The following NOC3L variants were observed in gnomAD, a reference collection of about 807,000 sequenced individuals.
NOC3L encodes nucleolar complex protein 3 homolog.
NOC3L carries 85 observed loss-of-function variants against 102.5 expected under a neutral mutation model. That is an observed-to-expected ratio of 0.83 (90% CI 0.70 to 0.99). The LOEUF (loss-of-function observed/expected upper bound fraction) is 0.99. Ranked by LOEUF, NOC3L falls within the 50% of genes least tolerant of loss-of-function variation. NOC3L has a pLI of 0.00. For missense variants in NOC3L, 878 were observed against 914.9 expected (o/e 0.96, Z 0.52); for synonymous variants, 303 against 309.4 (o/e 0.98, Z 0.22).
chr10:94,322,734 G>A, the NOC3L span, among the ~76,000 whole-genome samples: 3 of 151,724 alleles, frequency 2.0e-5, no homozygotes, highest in Non-Finnish European at 2.9e-5. Context: ...GCAGTGAGCC[G>A]AGATCATGCC....
At chr10:94,361,057 G>A (rs778315828) in intron 2 of NOC3L, among the ~76,000 whole-genome samples, 1 of 152,102 alleles carries the variant, frequency 6.6e-6, no homozygotes, top group Non-Finnish European at 1.5e-5. Flanking sequence ...TGAGAAGACT[G>A]AATAGTTGTC....
rs776957914 is a variant in NOC3L at position 94,338,646 on chromosome 10, C to T, written c.2053G>A (p.Ala685Thr). 2.5e-6 allele frequency: 4 copies of T among 1,610,668 alleles called. No individual in the cohort carries two copies. The South Asian group carries it at 4.4e-5, about 18-fold the overall frequency. ...AGTTCCCACAGAGCAGTGTTCTGAG[C>T]ATTGCAGTACTCAGGCTCATCCAGT... ...PELDEPEYCN[A>T]QNTALWELHA... Residue 685 changes from alanine (A) to threonine (T), a missense_variant, in exon 18 of 21, where the codon GCT becomes ACT. Physicochemically the swap from Ala to Thr is moderately conservative, Grantham distance 58 (BLOSUM62 0). Coordinates refer to ENST00000371361, the MANE Select transcript of NOC3L (RefSeq NM_022451.11).
intron 19 of NOC3L, among the ~76,000 whole-genome samples, chr10:94,335,807 T>A (rs1028502426): frequency 1.1e-4 from 16 of 152,100 alleles, no homozygotes; most frequent in Non-Finnish European, 2.2e-4. Context: ...GATCTCTGAA[T>A]TACAGAAACC....
At chr10:94,337,953 TAA>T in intron 18 of NOC3L, 79 bp from the exon 19 acceptor site, 1 of 1,084,178 alleles carries the variant, frequency 9.2e-7, no homozygotes, top group Non-Finnish European at 1.4e-6. Context: ...AAGATTTTCT[TAA>T]ATAAAATTAC....
chr10:94,344,751 T>C (rs1160865728), intron 12 of NOC3L, 102 bp downstream of exon 12: 13 of 1,007,784 alleles, frequency 1.3e-5, no homozygotes, highest in African/African-American at 3.2e-5. Context: ...CTAAGCCTCA[T>C]GAAAGAAACC....
At chr10:94,341,343 C>T (rs955864109) in intron 14 of NOC3L, among the ~76,000 whole-genome samples, 1 of 150,982 alleles carries the variant, frequency 6.6e-6, no homozygotes. Flanking sequence ...ACTGATATCC[C>T]AAGTAAAATA....
At chr10:94,358,753 TCTTC>T (rs986189280) in intron 2 of NOC3L, among the ~76,000 whole-genome samples, 2 of 152,202 alleles carry the variant, frequency 1.3e-5, no homozygotes, top group Admixed American at 6.5e-5. Flanking sequence ...CCACAGCACT[TCTTC>T]CTTAACCAAT....
At chr10:94,321,792 TAAG>T in the NOC3L span, 34 of 768,948 alleles carry the variant, frequency 4.4e-5, no homozygotes, top group Admixed American at 1.3e-4. Flanking sequence ...GATATTAAGC[TAAG>T]AAGTTTCTAC....
chr10:94,349,263 T>C lies in NOC3L; in HGVS notation c.1244A>G (p.Glu415Gly). 1 of 1,571,934 alleles carries C rather than the reference T, an allele frequency of 6.4e-7. No homozygotes were observed. Among genetic ancestry groups the C allele is most frequent in the Non-Finnish European group, 8.6e-7 (1 of 1,167,640 alleles). Residue 415 changes from glutamate (E) to glycine (G), a missense_variant, in exon 10 of 21, where the codon GAA becomes GGA. Transcript: ENST00000371361. ...ISGFVKGRNY[E>G]VRPEMLKTFL... is the part of the protein sequence containing the mutation. Reference sequence around the variant, plus strand: ...AAAAAGGCTCACCTCTGGCCTAACTTCGTAATTTCTGCCCTTCACAAAACC... The same window carrying C: ...AAAAAGGCTCACCTCTGGCCTAACTCCGTAATTTCTGCCCTTCACAAAACC...
chr10:94,339,491 T>C (rs1183401052), intron 17 of NOC3L, among the ~76,000 whole-genome samples: 2 of 152,154 alleles, frequency 1.3e-5, no homozygotes, highest in Non-Finnish European at 2.9e-5. Context: ...TATATGAACT[T>C]TAAAAGGCTG....
In NOC3L at chr10:94,351,889, A is replaced by G. The variant is rs535817839; in HGVS notation, c.952+421T>C. 2.0e-5 allele frequency among the ~76,000 whole-genome samples: 3 copies of G among 152,272 alleles called. No individual in the cohort carries two copies. In the South Asian group the frequency reaches 6.2e-4, roughly 32 times the overall value. On this transcript the variant is annotated intron_variant, in intron 8 of 20. Coordinates refer to ENST00000371361, the MANE Select transcript of NOC3L (RefSeq NM_022451.11). ...AATAAAAAACAGCAGAATAAATCCC[A>G]ACTGTTCATAACAATGTATTTTGTT...
downstream of NOC3L, chr10:94,328,228 A>C (rs1336715939): frequency 7.0e-6 from 2 of 286,172 alleles, no homozygotes; most frequent in Non-Finnish European, 1.5e-5. Flanking sequence ...AGGGTCAGCA[A>C]GCTTGTCTGT....
Position 94,334,188 on chromosome 10 carries a change from A to T in NOC3L, c.2392T>A (p.Ser798Thr). 1 of 1,418,730 alleles carries T rather than the reference A, an allele frequency of 7.0e-7. No homozygotes were observed. The highest frequency in any genetic ancestry group is 1.2e-5 in the South Asian group (1 of 86,658). 87.9% of individuals were successfully genotyped at this position (1,418,730 alleles called of 1,614,324 possible). ...PLDFTKYLKT[S>T]LH ...ACTTCATTCCTCTACTAGTGTAGTGATGTTTTCAAATATTTCGTGAAATCC... is the reference window on the plus strand; with the variant it reads ...ACTTCATTCCTCTACTAGTGTAGTGTTGTTTTCAAATATTTCGTGAAATCC... The change falls in exon 21 of 21, where the codon TCA becomes ACA. Residue 798 changes from serine to threonine, a missense_variant. Transcript: ENST00000371361.
rs2054568103 is a variant in NOC3L, at chr10:94,362,896, G to A, written c.-58C>T. 2.5e-6 allele frequency: 4 copies of A among 1,613,754 alleles called. No individual in the cohort carries two copies. Among genetic ancestry groups the A allele is most frequent in the South Asian group, 1.1e-5 (1 of 91,076 alleles). ...GTTCACCAGAAGCAGGGTTACTACA[G>A]AAATCCCGGGGAATGACACACGTGC... On this transcript the variant is annotated 5_prime_UTR_variant, in exon 1 of 21. Transcript: ENST00000371361.
At chr10:94,318,045 G>A in the NOC3L span, among the ~76,000 whole-genome samples, 1 of 152,170 alleles carries the variant, frequency 6.6e-6, no homozygotes, top group Non-Finnish European at 1.5e-5. Context: ...TCTAGTCACA[G>A]TGAGTGAATG....
chr10:94,350,346 C>A (rs1440847005), intron 8 of NOC3L, 58 bp from the exon 9 acceptor site: 8 of 1,445,342 alleles, frequency 5.5e-6, no homozygotes, highest in Non-Finnish European at 7.8e-6. Flanking sequence ...AACTAATTGG[C>A]TTTCTTTTAC....
chr10:94,345,612 T>C (rs1768024761), intron 11 of NOC3L, among the ~76,000 whole-genome samples: 1 of 152,174 alleles, frequency 6.6e-6, no homozygotes, highest in Non-Finnish European at 1.5e-5. Context: ...ATACACATGC[T>C]CTTCCTAACA....
intron 13 of NOC3L, among the ~76,000 whole-genome samples, chr10:94,342,551 G>GAT (rs1184368371): frequency 2.7e-5 from 2 of 74,016 alleles, no homozygotes; most frequent in African/African-American, 6.1e-5. Context: ...CATGCATGAA[G>GAT]ATACACACAC....
At chr10:94,353,147 G>T (rs1319568390) in intron 6 of NOC3L, 90 bp from the exon 7 acceptor site, 2 of 1,047,748 alleles carry the variant, frequency 1.9e-6, no homozygotes, top group South Asian at 1.5e-5. Flanking sequence ...CAAAACAAGC[G>T]GAATTCACAC....
Sources: gnomAD v4.1 joint callset for allele counts (sites outside exome capture counted in the v4.1 genomes callset) on GRCh38, gnomAD v4.1.1 for gene constraint, MANE v1.5 for transcripts, NCBI Gene and HGNC (gene_info 2026-07-23, HGNC 2026-07-21) for gene names.